HSF1: variants seen among roughly 807,000 people sequenced by gnomAD.
HSF1 encodes the protein heat shock transcription factor 1, also known as heat shock factor protein 1.
HSF1 carries 32 observed loss-of-function variants against 51.7 expected under a neutral mutation model. The ratio of observed to expected loss-of-function variants is 0.62; its 90% CI spans 0.47 to 0.83. The LOEUF (loss-of-function observed/expected upper bound fraction) is 0.83, where lower values mean the gene tolerates loss of function less well. Among genes scored for constraint, HSF1 ranks in the 40% least tolerant of loss-of-function variants. The probability of loss-of-function intolerance (pLI) is 0.00; values close to 1 mark genes in which losing one functional copy is unlikely to be tolerated. For synonymous variants in HSF1, 396 were observed against 309.7 expected (o/e 1.28, Z -2.92); for missense variants, 727 against 717.0 (o/e 1.01, Z -0.16).
Position 144,312,195 on chromosome 8 carries a change from C to T in HSF1, c.1093C>T (p.Pro365Ser). 1.9e-6 allele frequency: 3 copies of T among 1,592,818 alleles called. No individual in the cohort carries two copies. Among genetic ancestry groups the T allele is most frequent in the Non-Finnish European group, 2.6e-6 (3 of 1,167,206 alleles). ...TDTEGRPPSP[P>S]PTSTPEKCLS... Reference sequence around the variant, plus strand: ...CACCGAGGGCCGGCCTCCCTCCCCCCCGCCCACCTCCACCCCTGAAAAGTG... The same window carrying T: ...CACCGAGGGCCGGCCTCCCTCCCCCTCGCCCACCTCCACCCCTGAAAAGTG... The change falls in exon 9 of 13, where the codon CCG (proline) becomes TCG (serine). Residue 365 changes from proline to serine, a missense_variant. Coordinates refer to ENST00000528838, the MANE Select transcript of HSF1 (RefSeq NM_005526.4).
Position 144,301,899 on chromosome 8 carries a change from C to T in HSF1, c.118-7007C>T, listed in dbSNP as rs1254257650. Among the ~76,000 whole-genome samples the T allele has an allele frequency of 2.0e-5, 3 of 150,004 alleles. 1 individual carries two copies. The highest frequency in any genetic ancestry group is 4.3e-4 in the South Asian group (2 of 4,626). ...AAAAAGCATCCAGAAGAGCCGTGCACGGTGGTGGTGCCTGTGGTGCCAGCT... is the reference window on the plus strand; with the variant it reads ...AAAAAGCATCCAGAAGAGCCGTGCATGGTGGTGGTGCCTGTGGTGCCAGCT... On this transcript the variant is annotated intron_variant, in intron 1 of 12. Coordinates refer to ENST00000528838, the MANE Select transcript of HSF1 (RefSeq NM_005526.4).
intron 2 of HSF1, 39 bp from the exon 3 acceptor site, chr8:144,309,416 G>A (rs782277242): frequency 5.6e-6 from 9 of 1,611,738 alleles, no homozygotes; most frequent in East Asian, 2.2e-5. Flanking sequence ...TTCTGGTCCC[G>A]CCCTGAGGCA....
rs782432172 is a variant in HSF1, at chr8:144,314,248, G to A, written c.1508G>A (p.Gly503Glu). ...ELGEGSYFSE[G>E]DGFAEDPTIS... Reference sequence around the variant, plus strand: ...GGAGAGGGCTCCTACTTCTCCGAAGGGGACGGCTTCGCCGAGGACCCCACC... The same window carrying A: ...GGAGAGGGCTCCTACTTCTCCGAAGAGGACGGCTTCGCCGAGGACCCCACC... The change falls in exon 13 of 13, where the codon GGG becomes GAG. Residue 503 changes from glycine to glutamate, a missense_variant. Physicochemically the swap from Gly to Glu is moderately conservative, Grantham distance 98. Coordinates refer to ENST00000528838, the MANE Select transcript of HSF1 (RefSeq NM_005526.4). 1.1e-4 allele frequency: 169 copies of A among 1,550,528 alleles called. 2 individuals are homozygous for A. In the South Asian group the frequency reaches 1.5e-3, roughly 14 times the overall value.
chr8:144,303,970 G>A (rs1816058157), intron 1 of HSF1, among the ~76,000 whole-genome samples: 1 of 152,222 alleles, frequency 6.6e-6, no homozygotes, highest in African/African-American at 2.4e-5. Context: ...TCAGCCTGCT[G>A]TGGCGGGGGT....
chr8:144,305,723 A>ATTTT lies in HSF1; in HGVS notation c.118-3159_118-3156dup, dbSNP rs146075122. 1.8e-3 allele frequency among the ~76,000 whole-genome samples: 138 copies of ATTTT among 78,518 alleles called. 7 individuals are homozygous for ATTTT. Among genetic ancestry groups the ATTTT allele is most frequent in the Non-Finnish European group, 2.2e-3 (100 of 45,722 alleles). The allele number at this position is 78,518 out of a possible 152,430, so 51.5% of individuals were successfully genotyped here. A position where few individuals can be genotyped will look rare whatever the true frequency, so the allele number is the denominator to read the frequency against. On this transcript the variant is annotated intron_variant, in intron 1 of 12. Transcript: ENST00000528838. ...GTCTGCTCTTAAGCCCCTCTGGTTA[A>ATTTT]TTTTTTTTTTTTTTTTTTTTTTTTT...
At chr8:144,312,721 G>T (rs1269623013) in intron 9 of HSF1, 2 of 1,534,302 alleles carry the variant, frequency 1.3e-6, no homozygotes, top group Non-Finnish European at 1.7e-6. Context: ...GGTTAGCGCT[G>T]ACCCCACTGG....
In HSF1 at chr8:144,313,922, G is replaced by C; in HGVS notation, c.1314+11G>C. On this transcript the variant is annotated intron_variant, in intron 11 of 12. Transcript: ENST00000528838. ...AGCAGCCTGGCCAGTGTGCGTAGGCGGGCGGGGGGTGAGGGGGAACGAGAC... is the reference window on the plus strand; with the variant it reads ...AGCAGCCTGGCCAGTGTGCGTAGGCCGGCGGGGGGTGAGGGGGAACGAGAC... 1 of 1,609,712 alleles carries C rather than the reference G, an allele frequency of 6.2e-7. No individual in the cohort carries two copies. Among genetic ancestry groups the C allele is most frequent in the Non-Finnish European group, 8.5e-7 (1 of 1,179,096 alleles).
Position 144,297,422 on chromosome 8 carries a change from G to C in HSF1, c.117+5548G>C, listed in dbSNP as rs962446605. Reference sequence around the variant, plus strand: ...GATGTGATGAGAGATGAGGGCGATTGTGCTGCTCTTGGTCCTTGTGTGGCG... The same window carrying C: ...GATGTGATGAGAGATGAGGGCGATTCTGCTGCTCTTGGTCCTTGTGTGGCG... On this transcript the variant is annotated intron_variant, in intron 1 of 12. Transcript: ENST00000528838. The surrounding 1 kb of genome is among the most constrained non-coding windows in gnomAD (Gnocchi z 4.6). Among the ~76,000 whole-genome samples the C allele has an allele frequency of 6.6e-6, 1 of 152,206 alleles. No individual in the cohort carries two copies. The highest frequency in any genetic ancestry group is 1.5e-5 in the Non-Finnish European group (1 of 68,042).
chr8:144,312,383 G>T, intron 9 of HSF1, 139 bp downstream of exon 9: 1 of 733,824 alleles, frequency 1.4e-6, no homozygotes. Context: ...TCGGGGCTGG[G>T]GAGGGAGACA....
intron 1 of HSF1, among the ~76,000 whole-genome samples, chr8:144,299,603 G>A (rs1815720983): frequency 6.6e-6 from 1 of 151,668 alleles, no homozygotes; most frequent in Non-Finnish European, 1.5e-5. Flanking sequence ...TGTGCTCAAA[G>A]AAATAACACA....
Position 144,314,207 on chromosome 8 carries a change from G to A in HSF1, c.1467G>A (p.Pro489=), listed in dbSNP as rs369415484. The change falls in exon 13 of 13, where the codon CCG becomes CCA. Residue 489 remains proline, a synonymous_variant. Coordinates refer to ENST00000528838, the MANE Select transcript of HSF1 (RefSeq NM_005526.4). ...GSVDTGSNDL[P]VLFELGEGSY... is the part of the protein sequence containing the mutation. The stretch of plus-strand genomic sequence containing the variant: ...TGGACACCGGGAGCAACGACCTGCC[G>A]GTGCTGTTTGAGCTGGGAGAGGGCT... 3.9e-6 allele frequency: 6 copies of A among 1,549,854 alleles called. No individual in the cohort carries two copies. The highest frequency in any genetic ancestry group is 2.4e-5 in the East Asian group (1 of 40,870).
intron 1 of HSF1, among the ~76,000 whole-genome samples, chr8:144,293,811 C>T (rs1241676362): frequency 6.6e-6 from 1 of 150,542 alleles, no homozygotes; most frequent in African/African-American, 2.4e-5. Context: ...GAGGGGCATC[C>T]GCGATTATCT....
At chr8:144,298,060 TC>T (rs1554841602) in intron 1 of HSF1, among the ~76,000 whole-genome samples, 1 of 152,150 alleles carries the variant, frequency 6.6e-6, no homozygotes, top group African/African-American at 2.4e-5. Context: ...GCCTCCCATT[TC>T]CAGTGGCAGG....
chr8:144,299,839 G>C (rs563731037), intron 1 of HSF1, among the ~76,000 whole-genome samples: 93 of 152,260 alleles, frequency 6.1e-4, no homozygotes, highest in Non-Finnish European at 1.2e-3. Flanking sequence ...GACCCGGGAG[G>C]TGGAGCTTGC....
At chr8:144,299,551 G>A (rs146231264) in intron 1 of HSF1, among the ~76,000 whole-genome samples, 21 of 152,186 alleles carry the variant, frequency 1.4e-4, no homozygotes, top group African/African-American at 5.1e-4. Flanking sequence ...GTTTTGATAG[G>A]ATTAGCCAAC....
In HSF1 at chr8:144,311,964, C is replaced by A; in HGVS notation, c.862C>A (p.Pro288Thr). ...ASPGGSIDER[P>T]LSSSPLVRVK... is the part of the protein sequence containing the mutation. ...TCACCTGGCCCCCCTCGTGTGCAGG[C>A]CCCTATCCAGCAGCCCCCTGGTGCG... is the stretch of plus-strand genomic sequence containing the variant. The change falls in exon 9 of 13, where the codon CCC becomes ACC. Residue 288 changes from proline (P) to threonine (T), a missense_variant and splice_region_variant. Transcript: ENST00000528838. 6.3e-7 allele frequency: 1 copy of A among 1,586,074 alleles called. No homozygotes were observed. The highest frequency in any genetic ancestry group is 8.6e-7 in the Non-Finnish European group (1 of 1,167,588).
intron 1 of HSF1, among the ~76,000 whole-genome samples, chr8:144,302,343 C>T (rs1588639661): frequency 1.3e-5 from 2 of 150,334 alleles, no homozygotes; most frequent in East Asian, 2.0e-4. Flanking sequence ...CCCGTCTCTA[C>T]TGAAAATACA....
At position 144,291,828 on chromosome 8, in the gene HSF1, C is replaced by T. The variant is rs1436212590; in HGVS notation, c.71C>T (p.Thr24Ile). 10 of 1,556,160 alleles carry T rather than the reference C, an allele frequency of 6.4e-6. No individual in the cohort carries two copies. The Admixed American group carries it at 1.1e-4, about 17-fold the overall frequency. ...NVPAFLTKLWTLVSDPDTDAL... is the reference protein window; with the variant it reads ...NVPAFLTKLWILVSDPDTDAL... ...CCGGCCTTCCTGACCAAGCTGTGGA[C>T]CCTCGTGAGCGACCCGGACACCGAC... Residue 24 changes from threonine (T) to isoleucine (I), a missense_variant, in exon 1 of 13, where the codon ACC becomes ATC. Coordinates refer to ENST00000528838, the MANE Select transcript of HSF1 (RefSeq NM_005526.4). The surrounding 1 kb of genome is among the most constrained non-coding windows in gnomAD (Gnocchi z 4.1).
chr8:144,309,315 A>T, intron 2 of HSF1, 140 bp from the exon 3 acceptor site: 1 of 1,233,414 alleles, frequency 8.1e-7, no homozygotes, highest in Non-Finnish European at 1.1e-6. Context: ...CCACTCGGCC[A>T]CCCAGGCATG....
Sources: gnomAD v4.1 joint callset for allele counts (sites outside exome capture counted in the v4.1 genomes callset) on GRCh38, gnomAD v4.1.1 for gene constraint, Gnocchi (gnomAD v3.1) non-coding constraint, MANE v1.5 for transcripts, NCBI Gene and HGNC (gene_info 2026-07-23, HGNC 2026-07-21) for gene names.